TMIGD2: variants seen among roughly 807,000 people sequenced by gnomAD.
The protein encoded by TMIGD2 is transmembrane and immunoglobulin domain-containing protein 2.
In TMIGD2, 18 loss-of-function variants were observed where a neutral mutation model predicts 22.6. That is an observed-to-expected ratio of 0.80 (90% CI 0.55 to 1.18). The LOEUF (loss-of-function observed/expected upper bound fraction) is 1.18. Ranked by LOEUF, TMIGD2 falls within the 50% of genes most tolerant of loss-of-function variation. The probability of loss-of-function intolerance (pLI) is 0.00; values close to 1 mark genes in which losing one functional copy is unlikely to be tolerated. For synonymous variants in TMIGD2, 184 were observed against 154.1 expected, an observed-to-expected ratio of 1.19 and a Z score of -1.44; for missense variants, 361 against 378.2, an observed-to-expected ratio of 0.95 and a Z score of 0.38.
intron 2 of TMIGD2, 53 bp from the exon 3 acceptor site, chr19:4,294,869 G>T: frequency 6.7e-7 from 1 of 1,501,182 alleles, no homozygotes; most frequent in South Asian, 1.4e-5. Context: ...CACCCTCCAA[G>T]GACAGAGCTC....
intron 1 of TMIGD2, among the ~76,000 whole-genome samples, chr19:4,301,405 ACG>A (rs2144744906): frequency 6.6e-6 from 1 of 152,314 alleles, no homozygotes; most frequent in Admixed American, 6.5e-5. Flanking sequence ...ACGGTGGCTC[ACG>A]CCTGTAATCC....
exon 5 of TMIGD2, chr19:4,292,636 G>C: frequency 6.2e-7 from 1 of 1,612,812 alleles, no homozygotes; most frequent in Non-Finnish European, 8.5e-7. Flanking sequence ...TTTTGGCCTC[G>C]GCTGCTGGGT....
intron 1 of TMIGD2, among the ~76,000 whole-genome samples, chr19:4,302,103 G>A (rs538564997): frequency 4.2e-4 from 64 of 152,270 alleles, no homozygotes; most frequent in African/African-American, 1.4e-3. Flanking sequence ...GGAGGGTGGA[G>A]ATGAGAGAGG....
intron 1 of TMIGD2, among the ~76,000 whole-genome samples, chr19:4,300,499 G>A (rs545186776): frequency 1.3e-5 from 2 of 152,306 alleles, no homozygotes; most frequent in East Asian, 1.9e-4. Flanking sequence ...GGAGGTTGCA[G>A]TGAGCTGAGA....
chr19:4,294,353 C>G (rs578040200), intron 4 of TMIGD2, among the ~76,000 whole-genome samples: 1 of 152,308 alleles, frequency 6.6e-6, no homozygotes, highest in Non-Finnish European at 1.5e-5. Context: ...CCGCGCCCAG[C>G]AATTTGTAAT....
chr19:4,293,396 G>T (rs1397157958), intron 4 of TMIGD2, among the ~76,000 whole-genome samples: 1 of 150,440 alleles, frequency 6.6e-6, no homozygotes, highest in Non-Finnish European at 1.5e-5. Flanking sequence ...TAGTAGCTGG[G>T]ATTACAAGCC....
intron 4 of TMIGD2, among the ~76,000 whole-genome samples, chr19:4,293,799 T>A (rs1207788366): frequency 6.6e-6 from 1 of 151,708 alleles, no homozygotes. Flanking sequence ...TCTGGCTGTG[T>A]CGCCCAGGCT....
chr19:4,292,928 C>G (rs1971402376), intron 4 of TMIGD2, 43 bp from the exon 5 acceptor site: 5 of 1,604,606 alleles, frequency 3.1e-6, no homozygotes, highest in Non-Finnish European at 4.2e-6. Flanking sequence ...TTAAGAGAGT[C>G]CTGCCCTCTC....
intron 4 of TMIGD2, 25 bp from the exon 5 acceptor site, chr19:4,292,910 A>C (rs1971402161): frequency 1.2e-6 from 2 of 1,611,724 alleles, no homozygotes; most frequent in Non-Finnish European, 8.5e-7. Context: ...ACAGACCAAG[A>C]GGATCACTTA....
At chr19:4,297,894 G>A in intron 2 of TMIGD2, 92 bp downstream of exon 2, 3 of 1,393,008 alleles carry the variant, frequency 2.2e-6, no homozygotes, top group Non-Finnish European at 2.8e-6. Flanking sequence ...GAAGAATTTA[G>A]AGTTTTTTGT....
chr19:4,297,896 G>T, intron 2 of TMIGD2, 90 bp downstream of exon 2: 2 of 1,402,804 alleles, frequency 1.4e-6, no homozygotes, highest in Non-Finnish European at 9.4e-7. Flanking sequence ...AGAATTTAGA[G>T]TTTTTTGTTT....
Position 4,292,527 on chromosome 19 carries a change from G to A in TMIGD2, c.*72C>T, listed in dbSNP as rs1385699274. On this transcript the variant is annotated 3_prime_UTR_variant, in exon 5 of 5. Coordinates refer to ENST00000301272, the Ensembl canonical transcript of TMIGD2. ...GCTGGGATTACAGGCGTGAGCCACCGTGTCTGGCCTCGATCCCCCCTTTTT... is the reference window on the plus strand; with the variant it reads ...GCTGGGATTACAGGCGTGAGCCACCATGTCTGGCCTCGATCCCCCCTTTTT... 43 of 1,449,936 alleles carry A rather than the reference G, an allele frequency of 3.0e-5. No homozygotes were observed. The Admixed American group carries it at 6.9e-4, about 23-fold the overall frequency. 89.8% of individuals were successfully genotyped at this position (1,449,936 alleles called of 1,614,324 possible). A position where few individuals can be genotyped will look rare whatever the true frequency, so the allele number is the denominator to read the frequency against.
In TMIGD2 at chr19:4,294,455, G is replaced by C. The variant is rs567768166; in HGVS notation, c.562+112C>G. The C allele has an allele frequency of 4.4e-6, 4 of 901,168 alleles. No individual in the cohort carries two copies. In the East Asian group the frequency reaches 7.4e-5, roughly 17 times the overall value. 55.8% of individuals were successfully genotyped at this position (901,168 alleles called of 1,614,324 possible). A position where few individuals can be genotyped will look rare whatever the true frequency, so the allele number is the denominator to read the frequency against. On this transcript the variant is annotated intron_variant, in intron 4 of 4. Coordinates refer to ENST00000301272, the Ensembl canonical transcript of TMIGD2. ...CATGAGCATAGGATATAGGAGCCAGGCTTCTCCTCCCTTCATCCCTCCTCC... is the reference window on the plus strand; with the variant it reads ...CATGAGCATAGGATATAGGAGCCAGCCTTCTCCTCCCTTCATCCCTCCTCC...
chr19:4,301,255 C>A (rs560064669), intron 1 of TMIGD2, among the ~76,000 whole-genome samples: 3 of 152,246 alleles, frequency 2.0e-5, no homozygotes, highest in African/African-American at 7.2e-5. Context: ...ATAAAAAGAC[C>A]TTGGTTGGGT....
At chr19:4,292,571 G>A (rs759229071) in exon 5 of TMIGD2, 1 of 1,597,918 alleles carries the variant, frequency 6.3e-7, no homozygotes, top group Non-Finnish European at 8.6e-7. Flanking sequence ...CCTATGGGTG[G>A]GGTCCTGTTG....
At chr19:4,301,692 C>A (rs1044988096) in intron 1 of TMIGD2, among the ~76,000 whole-genome samples, 9 of 151,916 alleles carry the variant, frequency 5.9e-5, no homozygotes, top group Admixed American at 1.3e-4. Flanking sequence ...AACAAACAAA[C>A]AAAAAAACAC....
chr19:4,297,898 T>A, intron 2 of TMIGD2, 88 bp downstream of exon 2: 1 of 1,432,836 alleles, frequency 7.0e-7, no homozygotes, highest in Non-Finnish European at 9.2e-7. Context: ...AATTTAGAGT[T>A]TTTTGTTTCT....
At chr19:4,292,881 A>G in exon 5 of TMIGD2, 1 of 1,613,292 alleles carries the variant, frequency 6.2e-7, no homozygotes, top group South Asian at 1.1e-5. Context: ...TGTAGAATGC[A>G]TTTCCTAGGA....
At chr19:4,295,048 G>T (rs1411826722) in intron 2 of TMIGD2, among the ~76,000 whole-genome samples, 3 of 151,622 alleles carry the variant, frequency 2.0e-5, no homozygotes, top group Non-Finnish European at 4.4e-5. Context: ...ATCACTCGAG[G>T]TCAGGAGTTC....
Sources: gnomAD v4.1 joint callset for allele counts (sites outside exome capture counted in the v4.1 genomes callset) on GRCh38, gnomAD v4.1.1 for gene constraint, MANE v1.5 for transcripts, NCBI Gene and HGNC (gene_info 2026-07-23, HGNC 2026-07-21) for gene names.